Variants in HCN1 observed in about 807,000 individuals in gnomAD.
HCN1 encodes potassium/sodium hyperpolarization-activated cyclic nucleotide-gated channel 1.
Under a neutral mutation model 78.9 loss-of-function variants are expected in HCN1, and 13 were observed. The observed-to-expected ratio is 0.16, with a 90% confidence interval of 0.11 to 0.26. The LOEUF (loss-of-function observed/expected upper bound fraction) is 0.26. HCN1 is among the 10% of genes least tolerant of loss of function. The pLI is 1.00. For synonymous variants in HCN1, 552 were observed against 455.5 expected (o/e 1.21, Z -2.70); for missense variants, 810 against 1,154.3 (o/e 0.70, Z 4.32).
intron 2 of HCN1, among the ~76,000 whole-genome samples, chr5:45,521,370 A>G (rs141436494): frequency 6.8e-4 from 103 of 152,036 alleles, no homozygotes; most frequent in Non-Finnish European, 1.1e-3. Context: ...ACAGAAATTT[A>G]TTGTATCACA....
intron 2 of HCN1, among the ~76,000 whole-genome samples, chr5:45,596,875 G>A (rs1179467982): frequency 1.3e-5 from 2 of 152,134 alleles, no homozygotes; most frequent in African/African-American, 2.4e-5. Flanking sequence ...AATATCTTAA[G>A]TGAAAAGGCA....
intron 2 of HCN1, among the ~76,000 whole-genome samples, chr5:45,606,722 AACCCC>A (rs1239575934): frequency 6.6e-6 from 1 of 152,032 alleles, no homozygotes; most frequent in Non-Finnish European, 1.5e-5. Context: ...CAAACAAATA[AACCCC>A]ACTAAAGTAC....
At chr5:45,555,395 G>A (rs1743449330) in intron 2 of HCN1, among the ~76,000 whole-genome samples, 1 of 151,398 alleles carries the variant, frequency 6.6e-6, no homozygotes, top group African/African-American at 2.4e-5. Context: ...AATTGAAGAG[G>A]ACACCAAAAA....
chr5:45,652,023 C>A lies in HCN1; in HGVS notation c.426-6415G>T, dbSNP rs544535338. On this transcript the variant is annotated intron_variant, in intron 1 of 7. Transcript: ENST00000303230. ...ATTTAGATGTCTTCCAATAAACTAG[C>A]AATTTATCCAATGAGAATATGAGAT... 6.1e-4 allele frequency among the ~76,000 whole-genome samples: 92 copies of A among 151,946 alleles called. 1 individual carries two copies. Among genetic ancestry groups the A allele is most frequent in the Non-Finnish European group, 9.7e-4 (66 of 67,866 alleles).
At chr5:45,310,723 T>C (rs1209739923) in intron 5 of HCN1, among the ~76,000 whole-genome samples, 2 of 152,152 alleles carry the variant, frequency 1.3e-5, no homozygotes, top group African/African-American at 2.4e-5. Flanking sequence ...CATATGTTCA[T>C]TGCAGCACAA....
intron 3 of HCN1, among the ~76,000 whole-genome samples, chr5:45,416,211 T>C (rs1362047262): frequency 1.3e-5 from 2 of 151,960 alleles, no homozygotes; most frequent in African/African-American, 4.8e-5. Context: ...ATTATTTTAA[T>C]CATGAATGCA....
chr5:45,379,148 G>A (rs544392000), intron 4 of HCN1, among the ~76,000 whole-genome samples: 1 of 152,048 alleles, frequency 6.6e-6, no homozygotes, highest in Non-Finnish European at 1.5e-5. Flanking sequence ...ATAATGGGAT[G>A]GTTCGGTCAA....
intron 2 of HCN1, chr5:45,644,486 G>A (rs1745508388): frequency 6.6e-6 from 1 of 152,164 alleles, no homozygotes; most frequent in South Asian, 2.1e-4. Context: ...CCTAACAACA[G>A]ATGCTCTATT....
At chr5:45,672,470 G>GT (rs1489203330) in intron 1 of HCN1, among the ~76,000 whole-genome samples, 2 of 150,212 alleles carry the variant, frequency 1.3e-5, no homozygotes, top group African/African-American at 4.9e-5. Context: ...TATTACAAAT[G>GT]TTTATTCTCA....
chr5:45,342,395 A>ATTTTTT (rs34854398), intron 5 of HCN1, among the ~76,000 whole-genome samples: 2 of 137,124 alleles, frequency 1.5e-5, no homozygotes, highest in African/African-American at 5.3e-5. Context: ...ACACCTGGCT[A>ATTTTTT]TTTTTTTTTT....
rs187154858 is a variant in HCN1 at position 45,368,944 on chromosome 5, C to G, written c.1231-15698G>C. 6.3e-4 allele frequency among the ~76,000 whole-genome samples: 96 copies of G among 152,018 alleles called. 1 individual carries two copies. In the East Asian group the frequency reaches 0.011, roughly 17 times the overall value. On this transcript the variant is annotated intron_variant, in intron 4 of 7. Transcript: ENST00000303230. Reference sequence around the variant, plus strand: ...ATCATGTGGAGGTTTTAGAATGTTTCCATCCGTTCCAAAAGTTCCCTCATT... The same window carrying G: ...ATCATGTGGAGGTTTTAGAATGTTTGCATCCGTTCCAAAAGTTCCCTCATT...
At chr5:45,318,110 G>A (rs532584152) in intron 5 of HCN1, among the ~76,000 whole-genome samples, 37 of 152,108 alleles carry the variant, frequency 2.4e-4, no homozygotes, top group African/African-American at 6.5e-4. Context: ...AAAAACACAC[G>A]CACACTTATG....
At chr5:45,566,645 AAATAACAATAAAATGAG>A (rs1385762369) in intron 2 of HCN1, among the ~76,000 whole-genome samples, 1 of 152,176 alleles carries the variant, frequency 6.6e-6, no homozygotes, top group Non-Finnish European at 1.5e-5. Context: ...GAGGAAAGAA[AAATAACAATAAAATGAG>A]AGGAAAATGG....
intron 3 of HCN1, among the ~76,000 whole-genome samples, chr5:45,409,154 A>G (rs759169275): frequency 2.0e-5 from 3 of 152,104 alleles, no homozygotes; most frequent in Non-Finnish European, 4.4e-5. Flanking sequence ...ACTATATAAA[A>G]GGCTGCTATA....
At chr5:45,362,601 C>T (rs1350947725) in intron 4 of HCN1, among the ~76,000 whole-genome samples, 1 of 151,990 alleles carries the variant, frequency 6.6e-6, no homozygotes. Context: ...TGCTGTTTTC[C>T]TGGCACTCAA....
At chr5:45,358,818 C>T (rs757235904) in intron 4 of HCN1, among the ~76,000 whole-genome samples, 7 of 152,012 alleles carry the variant, frequency 4.6e-5, no homozygotes, top group Non-Finnish European at 8.8e-5. Context: ...CCTGACGCCC[C>T]GCTTGTCCAT....
chr5:45,557,310 T>C lies in HCN1; in HGVS notation c.849+87875A>G, dbSNP rs80017634. 7.2e-4 allele frequency among the ~76,000 whole-genome samples: 110 copies of C among 152,212 alleles called. 3 individuals carry two copies. The East Asian group carries it at 0.018, about 25-fold the overall frequency. On this transcript the variant is annotated intron_variant, in intron 2 of 7. Coordinates refer to ENST00000303230, the MANE Select transcript of HCN1 (RefSeq NM_021072.4). ...CTCAACGGTTCTCGTCACTGAGCCA[T>C]GTACATTTTTAGTGGGAAACAACTG...
intron 5 of HCN1, among the ~76,000 whole-genome samples, chr5:45,348,843 T>C (rs1055694296): frequency 1.2e-4 from 18 of 151,956 alleles, no homozygotes; most frequent in African/African-American, 4.1e-4. Context: ...TATATATGCA[T>C]CCAATACAGG....
rs980550510 is a variant in HCN1 at position 45,403,384 on chromosome 5, A to G, written c.1012-6674T>C. Among the ~76,000 whole-genome samples the G allele has an allele frequency of 2.0e-5, 3 of 152,192 alleles. No homozygotes were observed. In the East Asian group the frequency reaches 5.8e-4, roughly 29 times the overall value. ...AGATATACCTGAGACTAGGTAATTT[A>G]TAAAGGAAAGTGGTTTAATTGACTC... On this transcript the variant is annotated intron_variant, in intron 3 of 7. Coordinates refer to ENST00000303230, the MANE Select transcript of HCN1 (RefSeq NM_021072.4).
Sources: gnomAD v4.1 joint callset for allele counts (sites outside exome capture counted in the v4.1 genomes callset) on GRCh38, gnomAD v4.1.1 for gene constraint, MANE v1.5 for transcripts, NCBI Gene and HGNC (gene_info 2026-07-23, HGNC 2026-07-21) for gene names.